DNAJC13: variants seen among roughly 807,000 people sequenced by gnomAD.
The protein encoded by DNAJC13 is dnaJ homolog subfamily C member 13.
A neutral mutation model predicts 290.5 loss-of-function variants in DNAJC13; 75 were observed. The observed-to-expected ratio is 0.26, with a 90% CI of 0.21 to 0.31. The LOEUF is 0.31. DNAJC13 is among the 10% of genes least tolerant of loss of function. The pLI is 1.00. For synonymous variants in DNAJC13, 862 were observed against 892.0 expected, an observed-to-expected ratio of 0.97 and a Z score of 0.60; for missense variants, 2,260 against 2,674.5, an observed-to-expected ratio of 0.85 and a Z score of 3.42.
rs2107716401 is a variant in DNAJC13, at chr3:132,499,107, T to C, written c.4157-19T>C. On this transcript the variant is annotated intron_variant, in intron 36 of 55. Coordinates refer to ENST00000260818, the MANE Select transcript of DNAJC13 (RefSeq NM_015268.4). The stretch of plus-strand genomic sequence containing the variant: ...CAATTTTGTTTTGTTTTTCTAACAC[T>C]AACCATTGGTTATTTCAGATTTACA... The C allele has an allele frequency of 6.5e-7, 1 of 1,548,330 alleles. No homozygotes were observed. The highest frequency in any genetic ancestry group is 2.3e-5 in the East Asian group (1 of 43,598).
intron 34 of DNAJC13, 83 bp downstream of exon 34, chr3:132,494,342 C>A: frequency 1.8e-6 from 2 of 1,083,856 alleles, no homozygotes; most frequent in Non-Finnish European, 2.8e-6. Context: ...TTAAATCAAT[C>A]ATTTTAAAAT....
intron 12 of DNAJC13, 89 bp from the exon 13 acceptor site, chr3:132,457,180 A>G: frequency 1.1e-6 from 1 of 886,884 alleles, no homozygotes; most frequent in East Asian, 2.7e-5. Context: ...CCAGTAGTGC[A>G]ATGGAAAGTT....
rs10663131 is a variant in DNAJC13, at chr3:132,487,559, A to ATTTTTTTTTTTTTTTTTTTT, written c.3268-738_3268-719dup. ...GCGTGAGCCACCATGCCTGGCTGTA[A>ATTTTTTTTTTTTTTTTTTTT]TTTTTTTTTTTTTTTTTTTTACTGG... On this transcript the variant is annotated intron_variant, in intron 29 of 55. Transcript: ENST00000260818. Among the ~76,000 whole-genome samples the ATTTTTTTTTTTTTTTTTTTT allele has an allele frequency of 1.3e-3, 148 of 110,424 alleles. 24 individuals are homozygous for ATTTTTTTTTTTTTTTTTTTT. The highest frequency in any genetic ancestry group is 7.4e-3 in the African/African-American group (138 of 18,770). 72.4% of individuals were successfully genotyped at this position (110,424 alleles called of 152,430 possible).
intron 20 of DNAJC13, among the ~76,000 whole-genome samples, chr3:132,470,643 G>C (rs1352773629): frequency 3.7e-5 from 5 of 136,770 alleles, no homozygotes; most frequent in Non-Finnish European, 6.4e-5. Flanking sequence ...CCTCCCGGAC[G>C]GGGCGGCTGG....
chr3:132,530,946 C>T, intron 54 of DNAJC13, 52 bp from the exon 55 acceptor site: 1 of 1,529,880 alleles, frequency 6.5e-7, no homozygotes, highest in Non-Finnish European at 9.0e-7. Context: ...TTTTTGTCTT[C>T]CAACATCCAG....
intron 24 of DNAJC13, among the ~76,000 whole-genome samples, chr3:132,479,025 A>G (rs1288322484): frequency 1.3e-5 from 2 of 152,200 alleles, no homozygotes; most frequent in African/African-American, 4.8e-5. Context: ...TTCTAGGGAG[A>G]TTAGACAAGT....
At chr3:132,482,575 A>G (rs1263793156) in intron 27 of DNAJC13, among the ~76,000 whole-genome samples, 1 of 152,166 alleles carries the variant, frequency 6.6e-6, no homozygotes. Context: ...AGTGATTTTT[A>G]TGTAATAATT....
At chr3:132,457,198 T>A (rs1933631937) in intron 12 of DNAJC13, 71 bp from the exon 13 acceptor site, 1 of 1,084,570 alleles carries the variant, frequency 9.2e-7, no homozygotes, top group Admixed American at 2.5e-5. Flanking sequence ...GTTAATATGA[T>A]CTATTTCAAT....
At chr3:132,418,209 T>A (rs528425366) in intron 1 of DNAJC13, among the ~76,000 whole-genome samples, 1 of 152,196 alleles carries the variant, frequency 6.6e-6, no homozygotes, top group Admixed American at 6.5e-5. Context: ...CTTTCTTTGC[T>A]TTGTTTCGTT....
chr3:132,482,411 T>C (rs1934709094), intron 27 of DNAJC13, 81 bp downstream of exon 27: 1 of 1,101,534 alleles, frequency 9.1e-7, no homozygotes, highest in African/African-American at 1.6e-5. Flanking sequence ...AGGCGTGGAA[T>C]GTTTTAAAGC....
intron 47 of DNAJC13, 78 bp downstream of exon 47, chr3:132,516,574 T>C: frequency 1.3e-6 from 2 of 1,550,998 alleles, no homozygotes; most frequent in Non-Finnish European, 8.8e-7. Context: ...TACAGCCTGA[T>C]AAACTAGAAG....
chr3:132,442,202 C>T (rs1186910838), intron 2 of DNAJC13, among the ~76,000 whole-genome samples: 3 of 151,640 alleles, frequency 2.0e-5, no homozygotes, highest in Non-Finnish European at 2.9e-5. Flanking sequence ...ATGGGGTCTG[C>T]CATCTTGCCC....
intron 1 of DNAJC13, among the ~76,000 whole-genome samples, chr3:132,424,528 TAGAA>T (rs1005820544): frequency 6.6e-6 from 1 of 152,136 alleles, no homozygotes; most frequent in Non-Finnish European, 1.5e-5. Flanking sequence ...CAGTTTGTAA[TAGAA>T]AGGAATCAAG....
At chr3:132,454,218 C>T in intron 9 of DNAJC13, 61 bp downstream of exon 9, 1 of 1,101,766 alleles carries the variant, frequency 9.1e-7, no homozygotes, top group East Asian at 2.7e-5. Flanking sequence ...GCTTGGTCAA[C>T]AAGGAAAACC....
At chr3:132,510,045 G>C (rs540591876) in intron 43 of DNAJC13, among the ~76,000 whole-genome samples, 1 of 152,216 alleles carries the variant, frequency 6.6e-6, no homozygotes, top group East Asian at 1.9e-4. Context: ...TGAATTTTGT[G>C]AAGTTTATTC....
At chr3:132,467,525 G>T (rs1028535084) in intron 20 of DNAJC13, among the ~76,000 whole-genome samples, 1 of 152,076 alleles carries the variant, frequency 6.6e-6, no homozygotes, top group African/African-American at 2.4e-5. Flanking sequence ...GAGTGCAGTG[G>T]AGCGATCTCG....
At chr3:132,420,137 A>G (rs1201161812) in intron 1 of DNAJC13, among the ~76,000 whole-genome samples, 1 of 152,252 alleles carries the variant, frequency 6.6e-6, no homozygotes, top group Non-Finnish European at 1.5e-5. Context: ...CAACTGGACA[A>G]AAAGCATGAT....
At chr3:132,433,368 A>G (rs1939290740) in intron 1 of DNAJC13, among the ~76,000 whole-genome samples, 1 of 151,662 alleles carries the variant, frequency 6.6e-6, no homozygotes, top group Non-Finnish European at 1.5e-5. Context: ...ATAATACCAC[A>G]CTACTCAATA....
At chr3:132,427,853 C>G (rs1357959219) in intron 1 of DNAJC13, among the ~76,000 whole-genome samples, 1 of 152,170 alleles carries the variant, frequency 6.6e-6, no homozygotes, top group African/African-American at 2.4e-5. Context: ...ACAGTTATTC[C>G]TATTTTATAG....
Sources: allele counts gnomAD v4.1 joint callset (sites outside exome capture counted in the v4.1 genomes callset), GRCh38; gene constraint gnomAD v4.1.1; transcripts MANE v1.5; gene names NCBI Gene and HGNC (gene_info 2026-07-23, HGNC 2026-07-21).